The following FGGY variants were observed in gnomAD, a reference collection of about 807,000 sequenced individuals.
FGGY encodes FGGY carbohydrate kinase domain-containing protein.
In FGGY, 72 loss-of-function variants were observed where a neutral mutation model predicts 71.3. The ratio of observed to expected loss-of-function variants is 1.01; its 90% CI spans 0.84 to 1.23. The LOEUF is 1.23. FGGY is among the 50% of genes most tolerant of loss of function. The pLI is 0.00. For missense variants in FGGY, 668 were observed against 682.3 expected (o/e 0.98, Z 0.23); for synonymous variants, 251 against 250.3 (o/e 1.00, Z -0.02).
At chr1:59,533,129 G>A (rs529185222) in intron 7 of FGGY, among the ~76,000 whole-genome samples, 2 of 152,216 alleles carry the variant, frequency 1.3e-5, no homozygotes, top group South Asian at 4.2e-4. Context: ...CAGTCAGTGG[G>A]CGCAGGACAG....
At chr1:59,606,207 T>A (rs1273480983) in intron 8 of FGGY, among the ~76,000 whole-genome samples, 1 of 152,218 alleles carries the variant, frequency 6.6e-6, no homozygotes, top group Non-Finnish European at 1.5e-5. Flanking sequence ...AGCACCTCTC[T>A]TACCCACATG....
At chr1:59,505,553 G>A (rs145217656) in intron 6 of FGGY, among the ~76,000 whole-genome samples, 3 of 152,144 alleles carry the variant, frequency 2.0e-5, no homozygotes, top group African/African-American at 7.2e-5. Context: ...AGGAAGCAGG[G>A]TCACATGCCA....
chr1:59,411,866 A>G (rs79196352), intron 5 of FGGY, among the ~76,000 whole-genome samples: 1,803 of 152,152 alleles, frequency 0.012, 20 homozygotes, highest in African/African-American at 0.042. Context: ...AGAAGATACC[A>G]CTTTGTGCTT....
intron 14 of FGGY, among the ~76,000 whole-genome samples, chr1:59,736,831 G>A (rs553121268): frequency 2.6e-5 from 4 of 152,368 alleles, no homozygotes; most frequent in African/African-American, 4.8e-5. Context: ...AAGTAACAAG[G>A]AGCCGAACGT....
At chr1:59,697,360 C>A (rs1195527960) in intron 14 of FGGY, among the ~76,000 whole-genome samples, 1 of 152,116 alleles carries the variant, frequency 6.6e-6, no homozygotes, top group Non-Finnish European at 1.5e-5. Flanking sequence ...ATTGCCCCCT[C>A]CCCCAACCCC....
At chr1:59,346,605 A>G (rs538046236) in intron 4 of FGGY, among the ~76,000 whole-genome samples, 94 of 152,266 alleles carry the variant, frequency 6.2e-4, no homozygotes, top group Middle Eastern at 3.4e-3. Context: ...GCACTGTGAC[A>G]AGTATTGTAC....
rs1005388576 is a variant in FGGY at position 59,554,837 on chromosome 1, A to G, written c.903+610A>G. ...ATGAGTCTGAAAGCATTCCATTCCG[A>G]TAAGTACCCATTTCTACCATATTTT... On this transcript the variant is annotated intron_variant, in intron 8 of 15. Coordinates refer to ENST00000303721, the MANE Select transcript of FGGY (RefSeq NM_018291.5). 2.6e-5 allele frequency among the ~76,000 whole-genome samples: 4 copies of G among 152,168 alleles called. No homozygotes were observed. In the South Asian group the frequency reaches 6.2e-4, roughly 24 times the overall value.
chr1:59,448,350 A>G (rs1357982132), intron 5 of FGGY, among the ~76,000 whole-genome samples: 1 of 152,172 alleles, frequency 6.6e-6, no homozygotes, highest in Non-Finnish European at 1.5e-5. Flanking sequence ...AAGGTCTGCT[A>G]GAGATCTGGC....
intron 5 of FGGY, among the ~76,000 whole-genome samples, chr1:59,444,186 G>A (rs931165733): frequency 6.6e-6 from 1 of 152,212 alleles, no homozygotes; most frequent in African/African-American, 2.4e-5. Context: ...GGAGTAGACA[G>A]ATGCTTGATG....
chr1:59,654,771 G>A (rs2097202875), intron 11 of FGGY, among the ~76,000 whole-genome samples: 1 of 152,156 alleles, frequency 6.6e-6, no homozygotes, highest in Admixed American at 6.5e-5. Flanking sequence ...ATCTAGAGTA[G>A]GATCCCAGGA....
intron 14 of FGGY, chr1:59,680,783 T>C (rs917321308): frequency 6.6e-6 from 1 of 152,198 alleles, no homozygotes; most frequent in African/African-American, 2.4e-5. Context: ...AGATGAGGAC[T>C]CTGAAGCTCA....
chr1:59,442,825 C>T (rs1292814555), intron 5 of FGGY, among the ~76,000 whole-genome samples: 3 of 152,168 alleles, frequency 2.0e-5, no homozygotes, highest in South Asian at 2.1e-4. Context: ...GGAAATAATT[C>T]GTCCAACACT....
chr1:59,410,830 AAATGT>A (rs1393809412), intron 5 of FGGY, among the ~76,000 whole-genome samples: 4 of 152,210 alleles, frequency 2.6e-5, no homozygotes, highest in African/African-American at 9.6e-5. Flanking sequence ...TATACAAAAT[AAATGT>A]AATGTATATA....
At chr1:59,532,618 T>G (rs1420647140) in intron 7 of FGGY, among the ~76,000 whole-genome samples, 1 of 152,194 alleles carries the variant, frequency 6.6e-6, no homozygotes, top group Non-Finnish European at 1.5e-5. Flanking sequence ...TATTCATGAT[T>G]TTTTTAAAAA....
intron 5 of FGGY, among the ~76,000 whole-genome samples, chr1:59,425,697 T>C (rs2066242700): frequency 6.6e-6 from 1 of 152,182 alleles, no homozygotes; most frequent in African/African-American, 2.4e-5. Flanking sequence ...ATCTCTCCTT[T>C]TCCCACTGTT....
chr1:59,332,841 T>G (rs188470940), intron 2 of FGGY, among the ~76,000 whole-genome samples: 1 of 152,374 alleles, frequency 6.6e-6, no homozygotes, highest in African/African-American at 2.4e-5. Context: ...CTTGTCATTT[T>G]TATATGTGCT....
chr1:59,331,023 G>A (rs1213724512), intron 2 of FGGY, among the ~76,000 whole-genome samples: 1 of 151,714 alleles, frequency 6.6e-6, no homozygotes, highest in Non-Finnish European at 1.5e-5. Flanking sequence ...CGTCTCTCTT[G>A]ACCAGGATAT....
At chr1:59,681,304 T>C (rs1310980709) in intron 14 of FGGY, among the ~76,000 whole-genome samples, 1 of 152,188 alleles carries the variant, frequency 6.6e-6, no homozygotes, top group Non-Finnish European at 1.5e-5. Flanking sequence ...AGGTTTAGGC[T>C]AACAAAACGC....
At chr1:59,298,647 T>G (rs1027352178) in intron 1 of FGGY, among the ~76,000 whole-genome samples, 1 of 152,210 alleles carries the variant, frequency 6.6e-6, no homozygotes, top group Non-Finnish European at 1.5e-5. Flanking sequence ...TTAAATAGTT[T>G]AAATCACAGT....
Sources: allele counts gnomAD v4.1 joint callset (sites outside exome capture counted in the v4.1 genomes callset), GRCh38; gene constraint gnomAD v4.1.1; transcripts MANE v1.5; gene names NCBI Gene and HGNC (gene_info 2026-07-23, HGNC 2026-07-21).